Variants in SVOPL observed in about 807,000 individuals in gnomAD.
SVOPL encodes putative transporter SVOPL.
SVOPL carries 60 observed loss-of-function variants against 61.0 expected under a neutral mutation model. The observed-to-expected ratio is 0.98, with a 90% CI of 0.80 to 1.22. The LOEUF (loss-of-function observed/expected upper bound fraction) is 1.22, where lower values mean the gene tolerates loss of function less well. SVOPL is among the 50% of genes most tolerant of loss of function. The pLI is 0.00. For missense variants in SVOPL, 662 were observed against 643.9 expected, an observed-to-expected ratio of 1.03 and a Z score of -0.30; for synonymous variants, 279 against 250.0, an observed-to-expected ratio of 1.12 and a Z score of -1.09.
intron 6 of SVOPL, among the ~76,000 whole-genome samples, chr7:138,659,110 A>C (rs935517460): frequency 6.6e-6 from 1 of 152,192 alleles, no homozygotes; most frequent in Non-Finnish European, 1.5e-5. Context: ...CTTCATTTGC[A>C]TGATAAAACC....
At chr7:138,630,419 G>C (rs747224575) in intron 9 of SVOPL, among the ~76,000 whole-genome samples, 8 of 152,138 alleles carry the variant, frequency 5.3e-5, no homozygotes, top group Non-Finnish European at 8.8e-5. Context: ...CGCGGGGGTG[G>C]GGATGGTAGG....
chr7:138,642,901 C>A (rs1478923663), intron 9 of SVOPL, among the ~76,000 whole-genome samples: 1 of 148,566 alleles, frequency 6.7e-6, no homozygotes, highest in Non-Finnish European at 1.5e-5. Context: ...TTGACTCAAT[C>A]AAAAGTATAA....
At chr7:138,700,335 C>CTTTTTTTTT (rs776461183) in intron 1 of SVOPL, among the ~76,000 whole-genome samples, 2 of 99,768 alleles carry the variant, frequency 2.0e-5, no homozygotes, top group Non-Finnish European at 3.7e-5. Context: ...TTCCGTATGT[C>CTTTTTTTTT]TTTTTTTTTT....
At chr7:138,612,413 A>AAAAAAATAAATAAAAAAAAAAAT (rs1799078536) in intron 14 of SVOPL, among the ~76,000 whole-genome samples, 1 of 132,908 alleles carries the variant, frequency 7.5e-6, no homozygotes, top group Non-Finnish European at 1.6e-5. Context: ...ATTAAAAAAA[A>AAAAAAATAAATAAAAAAAAAAAT]AAAAAAAAAA....
chr7:138,595,424 T>G (rs567897006), intron 15 of SVOPL, among the ~76,000 whole-genome samples: 1 of 152,292 alleles, frequency 6.6e-6, no homozygotes, highest in Admixed American at 6.5e-5. Context: ...TAAAAGGCTA[T>G]AAACAATCAT....
intron 14 of SVOPL, among the ~76,000 whole-genome samples, chr7:138,611,880 C>T (rs1359940280): frequency 1.8e-4 from 14 of 76,954 alleles, no homozygotes; most frequent in Admixed American, 4.1e-4. Flanking sequence ...CGGCCGCCAC[C>T]CCGTCTGGGA....
At position 138,627,348 on chromosome 7, in the gene SVOPL, A is replaced by G. The variant is rs1563100471; in HGVS notation, c.1181+2T>C. 6.8e-6 allele frequency: 11 copies of G among 1,607,900 alleles called. No individual in the cohort carries two copies. The highest frequency in any genetic ancestry group is 1.3e-5 in the African/African-American group (1 of 74,956). ...AATCTGAAGCAATTAAACAGAAAAT[A>G]CCTTGAAGTGCAAATGTTGAGGAGA... On this transcript the variant is annotated splice_donor_variant, in intron 12 of 15. Transcript: ENST00000674285. LOFTEE classifies it high-confidence loss of function.
Position 138,596,865 on chromosome 7 carries a change from G to A in SVOPL, c.1354-335C>T, listed in dbSNP as rs982978067. On this transcript the variant is annotated intron_variant, in intron 14 of 15. Coordinates refer to ENST00000674285, the MANE Select transcript of SVOPL (RefSeq NM_001139456.2). The stretch of plus-strand genomic sequence containing the variant: ...CCACCCCCTTTCTCATACCATTTCA[G>A]CTTGCTTAACTTCTAACTCTCACTT... 4.6e-6 allele frequency: 5 copies of A among 1,092,714 alleles called. No homozygotes were observed. The East Asian group carries it at 3.6e-4, about 78-fold the overall frequency. 67.7% of individuals were successfully genotyped at this position (1,092,714 alleles called of 1,614,324 possible).
At chr7:138,648,001 G>A (rs1163760186) in intron 8 of SVOPL, among the ~76,000 whole-genome samples, 4 of 152,130 alleles carry the variant, frequency 2.6e-5, no homozygotes, top group Non-Finnish European at 5.9e-5. Context: ...ATTCCATAGG[G>A]TAGGTGACAT....
intron 7 of SVOPL, among the ~76,000 whole-genome samples, chr7:138,653,571 G>A (rs1431190848): frequency 1.3e-5 from 2 of 152,106 alleles, no homozygotes; most frequent in Non-Finnish European, 2.9e-5. Context: ...GGAGGCTGAG[G>A]CAACCAGATC....
At chr7:138,604,128 T>A (rs907577081) in intron 14 of SVOPL, among the ~76,000 whole-genome samples, 3 of 151,844 alleles carry the variant, frequency 2.0e-5, no homozygotes, top group Admixed American at 6.6e-5. Flanking sequence ...CACACCCAGC[T>A]AGTTTTTTTA....
In SVOPL at chr7:138,627,474, C is replaced by G; in HGVS notation, c.1070-13G>C. 6 of 1,595,040 alleles carry G rather than the reference C, an allele frequency of 3.8e-6. No homozygotes were observed. Among genetic ancestry groups the G allele is most frequent in the Non-Finnish European group, 4.3e-6 (5 of 1,163,188 alleles). ...TTTAAAGGATTCACTAGAAAGCAAA[C>G]AGTAAAGATAATTTCTGGAACCTTG... On this transcript the variant is annotated splice_polypyrimidine_tract_variant and intron_variant, in intron 11 of 15. Coordinates refer to ENST00000674285, the MANE Select transcript of SVOPL (RefSeq NM_001139456.2).
chr7:138,631,193 G>A (rs897853430), intron 9 of SVOPL, among the ~76,000 whole-genome samples: 1 of 152,030 alleles, frequency 6.6e-6, no homozygotes, highest in Non-Finnish European at 1.5e-5. Context: ...TTGCTCCAAT[G>A]GTTAATTTTT....
chr7:138,648,121 A>T (rs541916285), intron 8 of SVOPL, among the ~76,000 whole-genome samples: 5 of 152,254 alleles, frequency 3.3e-5, no homozygotes, highest in Admixed American at 2.6e-4. Context: ...CCTACAGATG[A>T]GTGGGAGAGA....
In SVOPL at chr7:138,668,970, T is replaced by C. The variant is rs574689289; in HGVS notation, c.273+3049A>G. Among the ~76,000 whole-genome samples the C allele has an allele frequency of 4.2e-4, 64 of 152,272 alleles. No individual in the cohort carries two copies. The South Asian group carries it at 0.012, about 28-fold the overall frequency. ...GGATTTTGAGCACCTGGGCTCACAG[T>C]TCTTCTATTAAGTCGTTGGGGCCCA... On this transcript the variant is annotated intron_variant, in intron 4 of 15. Coordinates refer to ENST00000674285, the MANE Select transcript of SVOPL (RefSeq NM_001139456.2).
chr7:138,614,740 T>C (rs566110775), intron 14 of SVOPL, among the ~76,000 whole-genome samples: 1 of 152,284 alleles, frequency 6.6e-6, no homozygotes, highest in African/African-American at 2.4e-5. Context: ...GGGACGAGGC[T>C]GGAGATTTGG....
chr7:138,630,150 TACTC>T (rs775449478), intron 9 of SVOPL, 28 bp from the exon 10 acceptor site: 1 of 1,554,228 alleles, frequency 6.4e-7, no homozygotes, highest in East Asian at 2.2e-5. Context: ...AGACAGAACA[TACTC>T]AGCAGCTTAA....
Position 138,610,270 on chromosome 7 carries a change from A to T in SVOPL, c.1353+10776T>A, listed in dbSNP as rs140611543. Reference sequence around the variant, plus strand: ...TTTCTCCCCTCCCTCTCCTCTGTCCATACATAAAAAAAGAAAAAGAGAGAG... The same window carrying T: ...TTTCTCCCCTCCCTCTCCTCTGTCCTTACATAAAAAAAGAAAAAGAGAGAG... On this transcript the variant is annotated intron_variant, in intron 14 of 15. Coordinates refer to ENST00000674285, the MANE Select transcript of SVOPL (RefSeq NM_001139456.2). 3.3e-3 allele frequency among the ~76,000 whole-genome samples: 507 copies of T among 151,784 alleles called. 7 individuals carry two copies. Among genetic ancestry groups the T allele is most frequent in the African/African-American group, 0.011 (475 of 41,350 alleles).
At chr7:138,672,252 C>CACACT in intron 3 of SVOPL, 135 bp from the exon 4 acceptor site, 1 of 713,536 alleles carries the variant, frequency 1.4e-6, no homozygotes, top group South Asian at 1.9e-5. Context: ...ATTGTATACC[C>CACACT]ACACTGCACT....
Sources: allele counts gnomAD v4.1 joint callset (sites outside exome capture counted in the v4.1 genomes callset), GRCh38; gene constraint gnomAD v4.1.1; transcripts MANE v1.5; gene names NCBI Gene and HGNC (gene_info 2026-07-23, HGNC 2026-07-21).